Variants in ASCC3 observed in about 807,000 individuals in gnomAD.
ASCC3 encodes ASC-1 complex subunit P200.
In ASCC3, 158 loss-of-function variants were observed where a neutral mutation model predicts 256.3. That is an observed-to-expected ratio of 0.62 (90% CI 0.54 to 0.70). The LOEUF is 0.70. ASCC3 is among the 30% of genes least tolerant of loss of function. The pLI is 0.00. For synonymous variants in ASCC3, 948 were observed against 883.4 expected (o/e 1.07, Z -1.30); for missense variants, 2,259 against 2,626.0 (o/e 0.86, Z 3.05).
At chr6:100,865,953 C>CATTCATTTATTT (rs374497658) in intron 2 of ASCC3, among the ~76,000 whole-genome samples, 1 of 148,732 alleles carries the variant, frequency 6.7e-6, no homozygotes, top group East Asian at 2.0e-4. Flanking sequence ...TAAATAATTT[C>CATTCATTTATTT]ATTTATTTAT....
In ASCC3 at chr6:100,591,536, A is replaced by C. The variant is rs187325093; in HGVS notation, c.5304-1477T>G. ...CTGTCAGGACTAATACATAGCTGATAAAGTTATTTCTAAATTCAAAACACT... is the reference window on the plus strand; with the variant it reads ...CTGTCAGGACTAATACATAGCTGATCAAGTTATTTCTAAATTCAAAACACT... On this transcript the variant is annotated intron_variant, in intron 34 of 41. Coordinates refer to ENST00000369162, the MANE Select transcript of ASCC3 (RefSeq NM_006828.4). Among the ~76,000 whole-genome samples the C allele has an allele frequency of 2.4e-3, 359 of 152,142 alleles. 1 individual carries two copies. The highest frequency in any genetic ancestry group is 4.0e-3 in the Non-Finnish European group (272 of 67,908).
intron 8 of ASCC3, among the ~76,000 whole-genome samples, chr6:100,781,962 A>G (rs1782470613): frequency 6.6e-6 from 1 of 151,976 alleles, no homozygotes; most frequent in Non-Finnish European, 1.5e-5. Flanking sequence ...CTCTATATAT[A>G]TTATACCAAC....
At chr6:100,618,129 AT>A (rs1226342081) in intron 30 of ASCC3, among the ~76,000 whole-genome samples, 19 of 152,304 alleles carry the variant, frequency 1.2e-4, no homozygotes, top group African/African-American at 4.3e-4. Context: ...ATTTTTATGG[AT>A]ATTTTGGGGA....
At chr6:100,874,774 G>A (rs1201183737) in intron 1 of ASCC3, among the ~76,000 whole-genome samples, 1 of 152,094 alleles carries the variant, frequency 6.6e-6, no homozygotes, top group Non-Finnish European at 1.5e-5. Flanking sequence ...GGAAGACAGG[G>A]AAGGAGCATC....
intron 37 of ASCC3, among the ~76,000 whole-genome samples, chr6:100,519,368 T>C (rs910544555): frequency 2.6e-5 from 4 of 152,112 alleles, no homozygotes; most frequent in African/African-American, 9.7e-5. Flanking sequence ...AATAGGTATA[T>C]TTATATATGT....
intron 30 of ASCC3, among the ~76,000 whole-genome samples, chr6:100,620,485 T>G (rs1191950487): frequency 6.6e-6 from 1 of 152,210 alleles, no homozygotes; most frequent in Non-Finnish European, 1.5e-5. Flanking sequence ...TGCCAATAAA[T>G]TAATGAGAAC....
intron 34 of ASCC3, among the ~76,000 whole-genome samples, chr6:100,601,380 A>G (rs1322370861): frequency 1.3e-5 from 2 of 152,026 alleles, no homozygotes; most frequent in African/African-American, 4.8e-5. Context: ...GTGACATTCT[A>G]CCACACCTCA....
intron 37 of ASCC3, among the ~76,000 whole-genome samples, chr6:100,539,640 T>A (rs553114881): frequency 1.8e-4 from 27 of 152,304 alleles, no homozygotes; most frequent in African/African-American, 6.5e-4. Flanking sequence ...CCAGAGACCC[T>A]ACGGTTCACT....
At chr6:100,571,917 CTT>C (rs1230358542) in intron 36 of ASCC3, among the ~76,000 whole-genome samples, 2 of 152,132 alleles carry the variant, frequency 1.3e-5, no homozygotes, top group African/African-American at 4.8e-5. Context: ...GGCAGAAACT[CTT>C]TTATAATGTA....
At chr6:100,635,517 C>G (rs1284010224) in intron 25 of ASCC3, among the ~76,000 whole-genome samples, 4 of 151,966 alleles carry the variant, frequency 2.6e-5, no homozygotes, top group Non-Finnish European at 4.4e-5. Flanking sequence ...ACCTAATATA[C>G]AGCATGGTGA....
chr6:100,837,358 C>G (rs1396740383), intron 4 of ASCC3, among the ~76,000 whole-genome samples: 1 of 152,078 alleles, frequency 6.6e-6, no homozygotes, highest in African/African-American at 2.4e-5. Flanking sequence ...ATACAACTAT[C>G]ATATGATCCA....
intron 10 of ASCC3, among the ~76,000 whole-genome samples, chr6:100,728,826 T>C (rs1276906283): frequency 6.6e-6 from 1 of 152,116 alleles, no homozygotes; most frequent in African/African-American, 2.4e-5. Context: ...GGATGGCCTA[T>C]GATTAATCTC....
At position 100,516,471 on chromosome 6, in the gene ASCC3, C is replaced by T. The variant is rs545340166; in HGVS notation, c.5928-144G>A. 6.8e-6 allele frequency: 7 copies of T among 1,022,870 alleles called. No homozygotes were observed. In the South Asian group the frequency reaches 1.1e-4, roughly 16 times the overall value. 63.4% of individuals were successfully genotyped at this position (1,022,870 alleles called of 1,614,324 possible). ...GACCATTATGCTAAGTTTAAAAATT[C>T]AGCCAGCATTCTGTATAGGATAACA... is the stretch of plus-strand genomic sequence containing the variant. On this transcript the variant is annotated intron_variant, in intron 38 of 41. Transcript: ENST00000369162.
intron 10 of ASCC3, among the ~76,000 whole-genome samples, chr6:100,752,995 T>A (rs1018935188): frequency 6.6e-6 from 1 of 152,122 alleles, no homozygotes. Flanking sequence ...AATTCTGAAG[T>A]AAATAGGCCC....
intron 13 of ASCC3, among the ~76,000 whole-genome samples, chr6:100,694,438 C>T (rs1777984977): frequency 6.6e-6 from 1 of 152,080 alleles, no homozygotes; most frequent in Admixed American, 6.6e-5. Context: ...GAGCTATGAT[C>T]ACACTACTAC....
chr6:100,613,113 T>G (rs976716456), intron 30 of ASCC3, among the ~76,000 whole-genome samples: 9 of 151,552 alleles, frequency 5.9e-5, no homozygotes, highest in Non-Finnish European at 7.4e-5. Flanking sequence ...TCTTAAAATA[T>G]TTTTTGAGGG....
intron 24 of ASCC3, among the ~76,000 whole-genome samples, chr6:100,640,484 T>C (rs1000543453): frequency 9.8e-5 from 15 of 152,312 alleles, no homozygotes; most frequent in African/African-American, 3.6e-4. Context: ...TGATACATTC[T>C]TGGTCATTTG....
At chr6:100,579,287 T>A (rs2114741995) in intron 36 of ASCC3, among the ~76,000 whole-genome samples, 1 of 152,210 alleles carries the variant, frequency 6.6e-6, no homozygotes, top group Non-Finnish European at 1.5e-5. Context: ...TCCCATTCTG[T>A]AGGCTGTCTG....
At chr6:100,735,895 C>G (rs1034347523) in intron 10 of ASCC3, among the ~76,000 whole-genome samples, 2 of 152,162 alleles carry the variant, frequency 1.3e-5, no homozygotes, top group Non-Finnish European at 2.9e-5. Context: ...TTTTCTCAAA[C>G]CATATACCGT....
Sources: gnomAD v4.1 joint callset for allele counts (sites outside exome capture counted in the v4.1 genomes callset) on GRCh38, gnomAD v4.1.1 for gene constraint, MANE v1.5 for transcripts, NCBI Gene and HGNC (gene_info 2026-07-23, HGNC 2026-07-21) for gene names.